Variants in PPP2R3B observed in about 807,000 individuals in gnomAD.
PPP2R3B encodes the protein protein phosphatase 2 regulatory subunit B''beta.
Under a neutral mutation model 72.9 loss-of-function variants are expected in PPP2R3B, and 68 were observed. That is an observed-to-expected ratio of 0.93 (90% CI 0.77 to 1.14). The LOEUF (loss-of-function observed/expected upper bound fraction) is 1.14, where lower values mean the gene tolerates loss of function less well. Among genes scored for constraint, PPP2R3B ranks in the 50% most tolerant of loss-of-function variants. PPP2R3B has a pLI of 0.00. For missense variants in PPP2R3B, 1,018 were observed against 842.0 expected (o/e 1.21, Z -2.59); for synonymous variants, 466 against 375.8 (o/e 1.24, Z -2.78).
chrX:350,576 C>T (rs2071309150), intron 2 of PPP2R3B, among the ~76,000 whole-genome samples: 1 of 152,214 alleles, frequency 6.6e-6, no homozygotes, highest in Admixed American at 6.5e-5. Context: ...GAGAGGGGTG[C>T]ACGGTGGCCG....
intron 1 of PPP2R3B, among the ~76,000 whole-genome samples, chrX:383,876 A>C (rs1329537190): frequency 2.9e-4 from 43 of 150,522 alleles, no homozygotes; most frequent in African/African-American, 6.8e-4. Context: ...AACCAAAAAA[A>C]CAAAAAAACA....
In PPP2R3B at chrX:338,769, C is replaced by T. The variant is rs769385429; in HGVS notation, c.1470+9G>A. On this transcript the variant is annotated intron_variant, in intron 11 of 12. Coordinates refer to ENST00000390665, the MANE Select transcript of PPP2R3B (RefSeq NM_013239.5). Reference sequence around the variant, plus strand: ...GGCGCGGCCCGGCCCGCGTGCCCGCCGCACTCACCCTGAGCAGGGAGATCT... The same window carrying T: ...GGCGCGGCCCGGCCCGCGTGCCCGCTGCACTCACCCTGAGCAGGGAGATCT... The T allele has an allele frequency of 1.9e-5, 30 of 1,612,274 alleles. No homozygotes were observed. The highest frequency in any genetic ancestry group is 7.7e-5 in the South Asian group (7 of 91,078).
chrX:341,348 G>A lies in PPP2R3B; in HGVS notation c.1134C>T (p.Val378=), dbSNP rs1324173875. The part of the protein sequence containing the change: ...KEGKISYADF[V]WFLISEEDKK... Reference sequence around the variant, plus strand: ...TGTCTTCCTCAGAGATCAAAAACCAGACAAAGTCGGCATAGCTGATCTTCC... The same window carrying A: ...TGTCTTCCTCAGAGATCAAAAACCAAACAAAGTCGGCATAGCTGATCTTCC... Residue 378 remains valine, a synonymous_variant, in exon 9 of 13, where the codon GTC becomes GTT. Transcript: ENST00000390665. 10 of 1,612,504 alleles carry A rather than the reference G, an allele frequency of 6.2e-6. No homozygotes were observed. Among genetic ancestry groups the A allele is most frequent in the Non-Finnish European group, 7.6e-6 (9 of 1,179,720 alleles).
intron 12 of PPP2R3B, 90 bp downstream of exon 12, chrX:338,514 A>ACC (rs1569374604): frequency 8.1e-7 from 1 of 1,228,412 alleles, no homozygotes; most frequent in African/African-American, 1.9e-5. Context: ...CCCCGGCTGC[A>ACC]CACACACCCG....
chrX:381,917 C>A (rs923910100), intron 1 of PPP2R3B, among the ~76,000 whole-genome samples: 3 of 152,030 alleles, frequency 2.0e-5, no homozygotes, highest in African/African-American at 7.2e-5. Context: ...CTTTTTTGTC[C>A]CAATGAACAG....
rs772985850 is a variant in PPP2R3B at position 338,577 on chromosome X, CCCCACTCACCCGTCCT to C, written c.1577+11_1577+26del. 6 of 1,542,064 alleles carry C rather than the reference CCCCACTCACCCGTCCT, an allele frequency of 3.9e-6. No homozygotes were observed. Among genetic ancestry groups the C allele is most frequent in the East Asian group, 4.8e-5 (2 of 41,338 alleles). ...CACCCGTCCTCCCACTGACCCGTCC[CCCCACTCACCCGTCCT>C]CCCCACTCACCCGTCCTCCCAGGGC... On this transcript the variant is annotated intron_variant, in intron 12 of 12. Coordinates refer to ENST00000390665, the MANE Select transcript of PPP2R3B (RefSeq NM_013239.5).
In PPP2R3B at chrX:361,586, T is replaced by C. The variant is rs752169263; in HGVS notation, c.329A>G (p.Gln110Arg). The change falls in exon 2 of 13, where the codon CAG becomes CGG. Residue 110 changes from glutamine to arginine, a missense_variant. Transcript: ENST00000390665. Reference sequence around the variant, plus strand: ...GGGCAGAGGCTCTTCTTTCCGTGTCTGAACCTGAAGAGTCGACAGACAGCG... The same window carrying C: ...GGGCAGAGGCTCTTCTTTCCGTGTCCGAACCTGAAGAGTCGACAGACAGCG... The part of the protein sequence containing the change: ...TRRSAGTRVV[Q>R]TRKEEPLPPA... 5 of 1,613,874 alleles carry C rather than the reference T, an allele frequency of 3.1e-6. No individual in the cohort carries two copies. The highest frequency in any genetic ancestry group is 4.2e-6 in the Non-Finnish European group (5 of 1,179,766).
At position 341,006 on chromosome X, in the gene PPP2R3B, G is replaced by GGGGC. The variant is rs778235954; in HGVS notation, c.1176-67_1176-66insGCCC. The GGGGC allele has an allele frequency of 0.015, 23,512 of 1,581,308 alleles. 1,190 individuals carry two copies. In the African/African-American group the frequency reaches 0.16, roughly 11 times the overall value. On this transcript the variant is annotated intron_variant, in intron 9 of 12. Coordinates refer to ENST00000390665, the MANE Select transcript of PPP2R3B (RefSeq NM_013239.5). ...TCCCAGCCCGTGACCTGCAGCCCCTGAGGCAGCCCCCACCGGGGGTGCACG... is the reference window on the plus strand; with the variant it reads ...TCCCAGCCCGTGACCTGCAGCCCCTGGGGCAGGCAGCCCCCACCGGGGGTGCACG...
At chrX:377,967 C>T (rs866063683) in intron 1 of PPP2R3B, among the ~76,000 whole-genome samples, 41 of 149,108 alleles carry the variant, frequency 2.7e-4, no homozygotes, top group Middle Eastern at 3.5e-3. Flanking sequence ...AGGGACGGGC[C>T]GTCTACAGTG....
Position 341,222 on chromosome X carries a change from G to A in PPP2R3B, c.1175+85C>T, listed in dbSNP as rs1424171329. The stretch of plus-strand genomic sequence containing the variant: ...GTGCCGTGCAGCCCCCACCAGGCGT[G>A]CAGGCATCCGCCTGGGGACACATGT... On this transcript the variant is annotated intron_variant, in intron 9 of 12. Coordinates refer to ENST00000390665, the MANE Select transcript of PPP2R3B (RefSeq NM_013239.5). 7 of 1,460,674 alleles carry A rather than the reference G, an allele frequency of 4.8e-6. No homozygotes were observed. In the African/African-American group the frequency reaches 5.6e-5, roughly 12 times the overall value. The allele number at this position is 1,460,674 out of a possible 1,614,324, so 90.5% of individuals were successfully genotyped here.
chrX:350,103 C>A (rs2071297029), intron 2 of PPP2R3B, among the ~76,000 whole-genome samples: 1 of 152,330 alleles, frequency 6.6e-6, no homozygotes, highest in Non-Finnish European at 1.5e-5. Context: ...GGTTTCAACC[C>A]TTCCTGTAAA....
At chrX:379,526 C>G (rs1390390776) in intron 1 of PPP2R3B, among the ~76,000 whole-genome samples, 1 of 152,174 alleles carries the variant, frequency 6.6e-6, no homozygotes, top group Non-Finnish European at 1.5e-5. Context: ...TCTCCAAATA[C>G]CCTGTTCTAA....
chrX:344,035 G>A (rs1461810470), intron 7 of PPP2R3B, among the ~76,000 whole-genome samples: 1 of 118,206 alleles, frequency 8.5e-6, no homozygotes, highest in Non-Finnish European at 1.7e-5. Flanking sequence ...GGAGGGAGAC[G>A]TCGCCAACGG....
chrX:364,656 T>A, intron 1 of PPP2R3B, among the ~76,000 whole-genome samples: 1 of 126,312 alleles, frequency 7.9e-6, no homozygotes. Context: ...AGGCGGAGGT[T>A]GCAGTGAGCT....
At chrX:379,139 G>T (rs1310608100) in intron 1 of PPP2R3B, among the ~76,000 whole-genome samples, 2 of 151,650 alleles carry the variant, frequency 1.3e-5, no homozygotes, top group East Asian at 3.9e-4. Context: ...GCACCTATGT[G>T]TGTGTATGCA....
In PPP2R3B at chrX:340,776, G is replaced by A. The variant is rs750121038; in HGVS notation, c.1340C>T (p.Pro447Leu). 12 of 1,610,888 alleles carry A rather than the reference G, an allele frequency of 7.4e-6. No individual in the cohort carries two copies. Among genetic ancestry groups the A allele is most frequent in the African/African-American group, 1.3e-5 (1 of 74,828 alleles). ...TCACGGGGCATCACCTTCAGTCCTC[G>A]GCTTGACCAGGTCCAGCATCTGGCA... The part of the protein sequence containing the change: ...CLCQMLDLVK[P>L]RTEGKITLQD... The change falls in exon 10 of 13, where the codon CCG (proline) becomes CTG (leucine). Residue 447 changes from proline (P) to leucine (L), a missense_variant. Coordinates refer to ENST00000390665, the MANE Select transcript of PPP2R3B (RefSeq NM_013239.5).
intron 1 of PPP2R3B, among the ~76,000 whole-genome samples, chrX:371,772 G>A (rs756321332): frequency 5.3e-5 from 8 of 152,104 alleles, no homozygotes; most frequent in African/African-American, 1.7e-4. Context: ...ACACTCATGC[G>A]CGGAGTGAAA....
chrX:341,456 C>T (rs2071072662), intron 8 of PPP2R3B, 60 bp from the exon 9 acceptor site: 20 of 1,575,158 alleles, frequency 1.3e-5, no homozygotes, highest in Middle Eastern at 1.7e-4. Context: ...TTCACAGGAA[C>T]GGAGCCCCTG....
chrX:386,229 G>T (rs2072245599), intron 1 of PPP2R3B, 139 bp downstream of exon 1: 3 of 510,548 alleles, frequency 5.9e-6, no homozygotes, highest in Non-Finnish European at 9.1e-6. Context: ...TGGTGGGGGG[G>T]GTCGGGGCGG....
Sources: gnomAD v4.1 joint callset for allele counts (sites outside exome capture counted in the v4.1 genomes callset) on GRCh38, gnomAD v4.1.1 for gene constraint, MANE v1.5 for transcripts, NCBI Gene and HGNC (gene_info 2026-07-23, HGNC 2026-07-21) for gene names.